HS6ST1: variants seen among roughly 807,000 people sequenced by gnomAD.
HS6ST1 encodes the protein heparan-sulfate 6-O-sulfotransferase 1.
A neutral mutation model predicts 25.2 loss-of-function variants in HS6ST1; 3 were observed. The ratio of observed to expected loss-of-function variants is 0.12; its 90% CI spans 0.05 to 0.31. The LOEUF (loss-of-function observed/expected upper bound fraction) is 0.31, where lower values mean the gene tolerates loss of function less well. Ranked by LOEUF, HS6ST1 falls within the 10% of genes least tolerant of loss-of-function variation. The pLI is 1.00. For missense variants in HS6ST1, 310 were observed against 609.6 expected, an observed-to-expected ratio of 0.51 and a Z score of 5.18; for synonymous variants, 204 against 275.1, an observed-to-expected ratio of 0.74 and a Z score of 2.56.
chr2:128,270,170 G>C (rs1693590612), intron 1 of HS6ST1, among the ~76,000 whole-genome samples: 1 of 152,216 alleles, frequency 6.6e-6, no homozygotes, highest in African/African-American at 2.4e-5. Flanking sequence ...CCGAGGAAGG[G>C]ACAGGCAGCT....
intron 1 of HS6ST1, among the ~76,000 whole-genome samples, chr2:128,292,324 T>C (rs1275298670): frequency 6.6e-6 from 1 of 152,212 alleles, no homozygotes; most frequent in Non-Finnish European, 1.5e-5. Context: ...CGGCTTTAAC[T>C]GTGGCTGGGC....
chr2:128,301,909 G>C (rs1694136113), intron 1 of HS6ST1, among the ~76,000 whole-genome samples: 1 of 152,212 alleles, frequency 6.6e-6, no homozygotes, highest in Admixed American at 6.5e-5. Flanking sequence ...ATGCTGGCCG[G>C]TGTCTCCCTA....
intron 1 of HS6ST1, among the ~76,000 whole-genome samples, chr2:128,299,978 A>G (rs1386188349): frequency 6.6e-6 from 1 of 152,138 alleles, no homozygotes; most frequent in Non-Finnish European, 1.5e-5. Flanking sequence ...GGGTCTTGCC[A>G]GCCGCTTCCC....
At chr2:128,279,991 C>A (rs1040662655) in intron 1 of HS6ST1, among the ~76,000 whole-genome samples, 20 of 152,216 alleles carry the variant, frequency 1.3e-4, no homozygotes, top group African/African-American at 4.8e-4. Flanking sequence ...CTCCGGAAAG[C>A]GACCGGGCCT....
Position 128,266,106 on chromosome 2 carries a change from C to T in HS6ST1, c.*2056G>A, listed in dbSNP as rs1693508197. On this transcript the variant is annotated 3_prime_UTR_variant, in exon 2 of 2. Transcript: ENST00000259241. ...CATATTCCAATATGTACAAAACAAC[C>T]TGCGCTCAGGCCCGCGCACCCAGGA... 6.6e-6 allele frequency: 1 copy of T among 151,704 alleles called. No homozygotes were observed. The highest frequency in any genetic ancestry group is 2.4e-5 in the African/African-American group (1 of 41,270). 9.4% of individuals were successfully genotyped at this position (151,704 alleles called of 1,614,324 possible).
intron 1 of HS6ST1, among the ~76,000 whole-genome samples, chr2:128,301,108 AGGGGCAGGGGTTTCTGGG>A (rs1328250494): frequency 4.6e-5 from 7 of 152,016 alleles, no homozygotes; most frequent in African/African-American, 1.7e-4. Flanking sequence ...TCCCTCTGTG[AGGGGCAGGGGTTTCTGGG>A]GGCTGCGTAG....
At chr2:128,277,162 T>G (rs1693708885) in intron 1 of HS6ST1, among the ~76,000 whole-genome samples, 1 of 152,094 alleles carries the variant, frequency 6.6e-6, no homozygotes, top group African/African-American at 2.4e-5. Flanking sequence ...TCCTAAGGGA[T>G]CTCCCTCATT....
At chr2:128,268,950 C>T (rs1693569599) in intron 1 of HS6ST1, 80 bp from the exon 2 acceptor site, 3 of 1,221,388 alleles carry the variant, frequency 2.5e-6, no homozygotes, top group Non-Finnish European at 3.5e-6. Flanking sequence ...AGTCAAAGTC[C>T]CCACTACAGG....
At chr2:128,301,563 A>G (rs909966576) in intron 1 of HS6ST1, among the ~76,000 whole-genome samples, 1 of 152,204 alleles carries the variant, frequency 6.6e-6, no homozygotes, top group Non-Finnish European at 1.5e-5. Flanking sequence ...CCAAGTGCCA[A>G]CCACTTGTAA....
Position 128,265,772 on chromosome 2 carries a change from T to C in HS6ST1, c.*2390A>G, listed in dbSNP as rs1480439573. 6.6e-6 allele frequency: 1 copy of C among 152,212 alleles called. No individual in the cohort carries two copies. The highest frequency in any genetic ancestry group is 1.5e-5 in the Non-Finnish European group (1 of 68,056). The allele number at this position is 152,212 out of a possible 1,614,324, so 9.4% of individuals were successfully genotyped here. A position where few individuals can be genotyped will look rare whatever the true frequency, so the allele number is the denominator to read the frequency against. ...GGGACGTTTGCAGGTCTGGGGGTCC[T>C]GGTGACTAAGCTGTTAGCTCCACTC... On this transcript the variant is annotated 3_prime_UTR_variant, in exon 2 of 2. Coordinates refer to ENST00000259241, the MANE Select transcript of HS6ST1 (RefSeq NM_004807.3).
intron 1 of HS6ST1, among the ~76,000 whole-genome samples, chr2:128,300,595 T>C (rs1694109828): frequency 6.6e-6 from 1 of 152,158 alleles, no homozygotes; most frequent in South Asian, 2.1e-4. Context: ...TAGGACTGTC[T>C]GTCTAGCACC....
chr2:128,317,749 G>T (rs1180379359), intron 1 of HS6ST1, among the ~76,000 whole-genome samples: 1 of 152,248 alleles, frequency 6.6e-6, no homozygotes, highest in East Asian at 1.9e-4. Flanking sequence ...GGCAGCGGGC[G>T]GGGACCCTGG....
rs1694413687 is a variant in HS6ST1 at position 128,318,611 on chromosome 2, G to A, written c.-48C>T. On this transcript the variant is annotated 5_prime_UTR_variant, in exon 1 of 2. Coordinates refer to ENST00000259241, the MANE Select transcript of HS6ST1 (RefSeq NM_004807.3). The surrounding 1 kb of genome is among the most constrained non-coding windows in gnomAD (Gnocchi z 5.7). ...GGCGCGGGGCGCGGGGCCTGGGAGG[G>A]CAGGAGGCGCGGGCGCAGCTGCCTC... 9 of 960,480 alleles carry A rather than the reference G, an allele frequency of 9.4e-6. No homozygotes were observed. The highest frequency in any genetic ancestry group is 3.8e-4 in the Middle Eastern group (1 of 2,660). The allele number at this position is 960,480 out of a possible 1,614,324, so 59.5% of individuals were successfully genotyped here. A position where few individuals can be genotyped will look rare whatever the true frequency, so the allele number is the denominator to read the frequency against.
intron 1 of HS6ST1, among the ~76,000 whole-genome samples, chr2:128,300,720 G>C (rs1044454441): frequency 6.6e-6 from 1 of 152,208 alleles, no homozygotes; most frequent in African/African-American, 2.4e-5. Flanking sequence ...CTTCTGCCCG[G>C]CAGCATCACC....
rs149689858 is a variant in HS6ST1 at position 128,269,012 on chromosome 2, C to T, written c.528-142G>A. The stretch of plus-strand genomic sequence containing the variant: ...CCAACTCCTGCACTTAGCTCTCAGT[C>T]GTTTCAAAACCCGGTATCAGAGATG... On this transcript the variant is annotated intron_variant, in intron 1 of 1. Coordinates refer to ENST00000259241, the MANE Select transcript of HS6ST1 (RefSeq NM_004807.3). 4.3e-3 allele frequency: 3,052 copies of T among 706,274 alleles called. 81 individuals carry two copies. Among genetic ancestry groups the T allele is most frequent in the East Asian group, 0.034 (1,260 of 36,998 alleles). 43.8% of individuals were successfully genotyped at this position (706,274 alleles called of 1,614,324 possible).
At chr2:128,289,166 T>C (rs1693911293) in intron 1 of HS6ST1, among the ~76,000 whole-genome samples, 1 of 151,994 alleles carries the variant, frequency 6.6e-6, no homozygotes, top group Non-Finnish European at 1.5e-5. Context: ...AGTATCCAAC[T>C]CTATACTCCC....
chr2:128,314,660 C>G (rs973836142), intron 1 of HS6ST1, among the ~76,000 whole-genome samples: 1 of 152,216 alleles, frequency 6.6e-6, no homozygotes, highest in African/African-American at 2.4e-5. Flanking sequence ...AGGCTGCGGG[C>G]TCCTGCGCCA....
intron 1 of HS6ST1, among the ~76,000 whole-genome samples, chr2:128,313,803 T>C (rs1245784811): frequency 6.6e-6 from 1 of 151,686 alleles, no homozygotes; most frequent in Non-Finnish European, 1.5e-5. Context: ...GTTTTATGCG[T>C]GAAGTGCCTA....
chr2:128,295,119 G>A (rs1299172611), intron 1 of HS6ST1, among the ~76,000 whole-genome samples: 1 of 152,180 alleles, frequency 6.6e-6, no homozygotes, highest in Non-Finnish European at 1.5e-5. Context: ...TCTGAGCCCT[G>A]GGTCCCTCTG....
Sources: allele counts gnomAD v4.1 joint callset (sites outside exome capture counted in the v4.1 genomes callset), GRCh38; gene constraint gnomAD v4.1.1; non-coding constraint Gnocchi (gnomAD v3.1); transcripts MANE v1.5; gene names NCBI Gene and HGNC (gene_info 2026-07-23, HGNC 2026-07-21).